DCAF6: variants seen among roughly 807,000 people sequenced by gnomAD.
The protein encoded by DCAF6 is DDB1 and CUL4 associated factor 6.
In DCAF6, 54 loss-of-function variants were observed where a neutral mutation model predicts 125.1. That is an observed-to-expected ratio of 0.43 (90% CI 0.35 to 0.54). The LOEUF is 0.54. Among genes scored for constraint, DCAF6 ranks in the 20% least tolerant of loss-of-function variants. DCAF6 has a pLI of 0.01. For missense variants in DCAF6, 934 were observed against 1,161.7 expected (o/e 0.80, Z 2.85); for synonymous variants, 371 against 390.4 (o/e 0.95, Z 0.58).
chr1:167,900,302 C>A, the DCAF6 span, among the ~76,000 whole-genome samples: 18 of 152,098 alleles, frequency 1.2e-4, no homozygotes, highest in Non-Finnish European at 2.2e-4. Context: ...CTGACTCCCC[C>A]CTGATTCTAC....
rs867740256 is a variant in DCAF6, at chr1:168,066,324, T to C, written c.2597-53T>C. ...TACATATATGCATAATATAAGCATA[T>C]CCTGAATTGCATGTTTCTAGGCTTC... is the stretch of plus-strand genomic sequence containing the variant. On this transcript the variant is annotated intron_variant, in intron 19 of 21. Coordinates refer to ENST00000367840, the MANE Select transcript of DCAF6 (RefSeq NM_001198956.2). 1.9e-5 allele frequency: 23 copies of C among 1,204,994 alleles called. No homozygotes were observed. The Admixed American group carries it at 4.7e-4, about 25-fold the overall frequency. The allele number at this position is 1,204,994 out of a possible 1,614,324, so 74.6% of individuals were successfully genotyped here.
At chr1:167,871,257 G>A in the DCAF6 span, among the ~76,000 whole-genome samples, 3 of 151,928 alleles carry the variant, frequency 2.0e-5, no homozygotes, top group South Asian at 2.1e-4. Flanking sequence ...CTTAATTCAG[G>A]GCTACAAAAA....
At chr1:167,886,418 G>C in the DCAF6 span, among the ~76,000 whole-genome samples, 1 of 152,058 alleles carries the variant, frequency 6.6e-6, no homozygotes, top group Non-Finnish European at 1.5e-5. Context: ...TCTGATCTTT[G>C]ACAAACCTGA....
In DCAF6 at chr1:168,075,544, G is replaced by A. The variant is rs1693703885; in HGVS notation, c.*109G>A. On this transcript the variant is annotated 3_prime_UTR_variant, in exon 22 of 22. Coordinates refer to ENST00000367840, the MANE Select transcript of DCAF6 (RefSeq NM_001198956.2). Reference sequence around the variant, plus strand: ...CAATTTTAAGGTTATGGTTTTTGGAGTTTTTCCCTTTTTTTGGGATAACCT... The same window carrying A: ...CAATTTTAAGGTTATGGTTTTTGGAATTTTTCCCTTTTTTTGGGATAACCT... 1.0e-6 allele frequency: 1 copy of A among 994,634 alleles called. No individual in the cohort carries two copies. The highest frequency in any genetic ancestry group is 1.4e-6 in the Non-Finnish European group (1 of 702,340). The allele number at this position is 994,634 out of a possible 1,614,324, so 61.6% of individuals were successfully genotyped here. A position where few individuals can be genotyped will look rare whatever the true frequency, so the allele number is the denominator to read the frequency against.
chr1:167,934,349 T>G (rs1670999506), upstream of DCAF6, among the ~76,000 whole-genome samples: 1 of 152,176 alleles, frequency 6.6e-6, no homozygotes, highest in Non-Finnish European at 1.5e-5. Flanking sequence ...GACTTCACAT[T>G]CAGTTGACTC....
At chr1:167,993,850 A>T (rs549287697) in intron 7 of DCAF6, among the ~76,000 whole-genome samples, 2 of 152,226 alleles carry the variant, frequency 1.3e-5, no homozygotes, top group African/African-American at 2.4e-5. Context: ...GCCAAAAAAA[A>T]AAATTAATTT....
In DCAF6 at chr1:168,034,493, A is replaced by G. The variant is rs553063310; in HGVS notation, c.1610-3878A>G. Among the ~76,000 whole-genome samples, 11 of 152,340 alleles carry G rather than the reference A, an allele frequency of 7.2e-5. No homozygotes were observed. The East Asian group carries it at 2.1e-3, about 29-fold the overall frequency. On this transcript the variant is annotated intron_variant, in intron 12 of 21. Transcript: ENST00000367840. Reference sequence around the variant, plus strand: ...GCCACCACGCTACCGTGGGTGATAGAGCAAGACCCTGTCTATGGAAAGGAT... The same window carrying G: ...GCCACCACGCTACCGTGGGTGATAGGGCAAGACCCTGTCTATGGAAAGGAT...
intron 1 of DCAF6, among the ~76,000 whole-genome samples, chr1:167,937,452 G>T (rs1671465486): frequency 6.6e-6 from 1 of 152,152 alleles, no homozygotes; most frequent in South Asian, 2.1e-4. Flanking sequence ...CGGCTGCGAC[G>T]CGTTGACCAC....
intron 5 of DCAF6, among the ~76,000 whole-genome samples, chr1:167,988,633 T>C (rs1349459532): frequency 1.3e-5 from 2 of 152,048 alleles, no homozygotes; most frequent in Non-Finnish European, 2.9e-5. Context: ...CTATTCAAAA[T>C]ATGTTTTTAC....
At chr1:168,007,216 T>C (rs11583998) in intron 10 of DCAF6, among the ~76,000 whole-genome samples, 1 of 152,160 alleles carries the variant, frequency 6.6e-6, no homozygotes, top group Non-Finnish European at 1.5e-5. Context: ...AGCTAGTCAA[T>C]GTAGTTGCTA....
intron 16 of DCAF6, among the ~76,000 whole-genome samples, chr1:168,049,435 T>TG (rs1411485623): frequency 9.3e-4 from 124 of 133,826 alleles, no homozygotes; most frequent in African/African-American, 3.7e-3. Context: ...GTTGTTGTTT[T>TG]TTTTTTTTTT....
At chr1:167,929,720 T>A in the DCAF6 span, among the ~76,000 whole-genome samples, 2 of 152,190 alleles carry the variant, frequency 1.3e-5, no homozygotes, top group Non-Finnish European at 2.9e-5. Flanking sequence ...ATTCCCTCCC[T>A]AAGTAAAGAC....
upstream of DCAF6, chr1:167,935,767 G>C (rs1190828139): frequency 3.8e-6 from 6 of 1,565,368 alleles, no homozygotes; most frequent in East Asian, 9.5e-5. Context: ...TCAATTTCTC[G>C]GGCAGCATCA....
chr1:168,071,503 G>A (rs981910568), intron 21 of DCAF6, among the ~76,000 whole-genome samples: 2 of 152,024 alleles, frequency 1.3e-5, no homozygotes, highest in Non-Finnish European at 2.9e-5. Flanking sequence ...ACGTGATGGT[G>A]CACACCTGTA....
At chr1:167,937,293 G>C in intron 1 of DCAF6, 1 of 458,236 alleles carries the variant, frequency 2.2e-6, no homozygotes, top group South Asian at 2.7e-5. Flanking sequence ...GATGGGTTGG[G>C]ACTCGGGAGA....
At chr1:167,904,541 G>T in the DCAF6 span, 1 of 343,212 alleles carries the variant, frequency 2.9e-6, no homozygotes, top group Non-Finnish European at 5.3e-6. Flanking sequence ...AGTGATAACT[G>T]CAACTTCTTT....
At chr1:168,048,863 G>A (rs1054175634) in intron 16 of DCAF6, among the ~76,000 whole-genome samples, 2 of 152,124 alleles carry the variant, frequency 1.3e-5, no homozygotes, top group Non-Finnish European at 2.9e-5. Flanking sequence ...TTCAAAAATC[G>A]GCATTTGGCG....
chr1:168,039,393 C>A (rs1688218861), intron 13 of DCAF6, among the ~76,000 whole-genome samples: 1 of 151,146 alleles, frequency 6.6e-6, no homozygotes, highest in Admixed American at 6.6e-5. Flanking sequence ...CATATAGCTT[C>A]TCTTTAATAA....
At chr1:167,920,241 A>G in the DCAF6 span, 1 of 603,588 alleles carries the variant, frequency 1.7e-6, no homozygotes, top group Non-Finnish European at 2.9e-6. Context: ...TCTGTAACTT[A>G]GTGTCACAGA....
Sources: allele counts gnomAD v4.1 joint callset (sites outside exome capture counted in the v4.1 genomes callset), GRCh38; gene constraint gnomAD v4.1.1; transcripts MANE v1.5; gene names NCBI Gene and HGNC (gene_info 2026-07-23, HGNC 2026-07-21).